The following CRACD variants were observed in gnomAD, a reference collection of about 807,000 sequenced individuals.
CRACD encodes the protein capping protein-inhibiting regulator of actin dynamics.
In CRACD, 56 loss-of-function variants were observed where a neutral mutation model predicts 106.8. The observed-to-expected ratio is 0.52, with a 90% confidence interval of 0.42 to 0.66. The LOEUF is 0.66. Among genes scored for constraint, CRACD ranks in the 30% least tolerant of loss-of-function variants. CRACD has a pLI of 0.00. For missense variants in CRACD, 1,730 were observed against 1,623.2 expected (o/e 1.07, Z -1.13); for synonymous variants, 754 against 670.8 (o/e 1.12, Z -1.92).
At chr4:56,310,289 C>T (rs1345236228) in intron 5 of CRACD, among the ~76,000 whole-genome samples, 4 of 152,084 alleles carry the variant, frequency 2.6e-5, no homozygotes, top group African/African-American at 7.2e-5. Context: ...AGGGGAGAGG[C>T]AGCCAGCAAG....
At chr4:56,224,639 T>C (rs1206727225) in intron 2 of CRACD, among the ~76,000 whole-genome samples, 2 of 152,224 alleles carry the variant, frequency 1.3e-5, no homozygotes, top group Non-Finnish European at 2.9e-5. Flanking sequence ...GAAAAGGGAA[T>C]GCTTACACAT....
intron 4 of CRACD, 94 bp from the exon 5 acceptor site, chr4:56,307,441 G>T: frequency 8.5e-7 from 1 of 1,181,604 alleles, no homozygotes; most frequent in East Asian, 2.4e-5. Flanking sequence ...CACAAGGTAT[G>T]CCTCAGTGCT....
At chr4:56,173,674 T>G (rs1736470364) in intron 1 of CRACD, among the ~76,000 whole-genome samples, 2 of 152,238 alleles carry the variant, frequency 1.3e-5, no homozygotes, top group African/African-American at 4.8e-5. Flanking sequence ...TGCCCACTTG[T>G]TAAAATTTAT....
rs573871157 is a variant in CRACD, at chr4:56,274,298, AGATAGTAAAAT to A, written c.-17+1809_-17+1819del. On this transcript the variant is annotated intron_variant, in intron 3 of 10. Transcript: ENST00000682029. ...GCCTCACGGTATCAGGATGAGGAAC[AGATAGTAAAAT>A]GAGAGTAAGTGGCAGTTTAATACAA... 1.4e-3 allele frequency among the ~76,000 whole-genome samples: 215 copies of A among 152,364 alleles called. 1 individual carries two copies. Among genetic ancestry groups the A allele is most frequent in the African/African-American group, 4.7e-3 (195 of 41,592 alleles).
At chr4:56,050,175 G>A (rs578209533) in intron 1 of CRACD, among the ~76,000 whole-genome samples, 3 of 152,172 alleles carry the variant, frequency 2.0e-5, no homozygotes, top group East Asian at 3.9e-4. Context: ...AGTGGAGGGG[G>A]AGGGGGAAGA....
intron 2 of CRACD, among the ~76,000 whole-genome samples, chr4:56,185,383 C>T (rs1737044009): frequency 6.6e-6 from 1 of 152,210 alleles, no homozygotes; most frequent in African/African-American, 2.4e-5. Flanking sequence ...TCCCCCTCCC[C>T]TCAGCCACTG....
chr4:56,085,228 C>T (rs188138572), intron 1 of CRACD, among the ~76,000 whole-genome samples: 2 of 152,264 alleles, frequency 1.3e-5, no homozygotes, highest in Admixed American at 6.5e-5. Context: ...GTGTGTGCTG[C>T]GCATGACTAA....
At chr4:56,128,306 G>A (rs1004467015) in intron 1 of CRACD, among the ~76,000 whole-genome samples, 4 of 152,168 alleles carry the variant, frequency 2.6e-5, no homozygotes, top group African/African-American at 9.7e-5. Flanking sequence ...AGCATAAAGT[G>A]TCTGCAAAGC....
At chr4:56,176,752 G>T (rs1736601769) in intron 1 of CRACD, among the ~76,000 whole-genome samples, 1 of 152,038 alleles carries the variant, frequency 6.6e-6, no homozygotes, top group South Asian at 2.1e-4. Context: ...TTTCATTGGT[G>T]TTTTATAGTT....
intron 1 of CRACD, among the ~76,000 whole-genome samples, chr4:56,098,533 A>AT (rs1385244307): frequency 1.2e-4 from 18 of 152,208 alleles, no homozygotes; most frequent in Non-Finnish European, 2.2e-4. Context: ...TGTAAGAGTA[A>AT]TTTTAGTTGT....
chr4:56,210,898 T>C (rs1411868982), intron 2 of CRACD, among the ~76,000 whole-genome samples: 1 of 152,148 alleles, frequency 6.6e-6, no homozygotes, highest in Non-Finnish European at 1.5e-5. Flanking sequence ...TGTATAGATC[T>C]GAAAAAGAAG....
At chr4:56,118,716 G>A (rs912169379) in intron 1 of CRACD, among the ~76,000 whole-genome samples, 3 of 151,884 alleles carry the variant, frequency 2.0e-5, no homozygotes, top group Non-Finnish European at 4.4e-5. Flanking sequence ...GGACAACACA[G>A]TAAGACCCTT....
At chr4:56,057,708 T>G (rs1282202898) in intron 1 of CRACD, among the ~76,000 whole-genome samples, 3 of 142,632 alleles carry the variant, frequency 2.1e-5, no homozygotes, top group Non-Finnish European at 4.5e-5. Context: ...CACTGCAACC[T>G]CTGTCCCCAG....
At chr4:56,229,268 C>G (rs1232777169) in intron 2 of CRACD, among the ~76,000 whole-genome samples, 1 of 152,072 alleles carries the variant, frequency 6.6e-6, no homozygotes, top group African/African-American at 2.4e-5. Context: ...GTGGCTCTGC[C>G]CTTATGAATG....
intron 3 of CRACD, among the ~76,000 whole-genome samples, chr4:56,279,795 A>T (rs1046568515): frequency 6.6e-6 from 1 of 152,256 alleles, no homozygotes; most frequent in African/African-American, 2.4e-5. Context: ...ATTACTGGGT[A>T]TATACCCAAA....
chr4:56,050,247 G>A (rs1312538162), intron 1 of CRACD, among the ~76,000 whole-genome samples: 2 of 149,614 alleles, frequency 1.3e-5, no homozygotes, highest in African/African-American at 4.9e-5. Context: ...ATAATGGCTG[G>A]GAAACTGATC....
At chr4:56,261,916 G>GCATTGCTATAAAGCCATATATT (rs1297009166) in intron 2 of CRACD, among the ~76,000 whole-genome samples, 1 of 152,044 alleles carries the variant, frequency 6.6e-6, no homozygotes, top group Non-Finnish European at 1.5e-5. Context: ...AGCCATATAT[G>GCATTGCTATAAAGCCATATATT]CATTGCTAAA....
intron 8 of CRACD, among the ~76,000 whole-genome samples, chr4:56,318,162 T>G: frequency 6.6e-6 from 1 of 152,008 alleles, no homozygotes; most frequent in East Asian, 1.9e-4. Flanking sequence ...ATTTTATTGT[T>G]TATTATTGTT....
chr4:56,307,480 G>A, intron 4 of CRACD, 55 bp from the exon 5 acceptor site: 1 of 1,581,200 alleles, frequency 6.3e-7, no homozygotes, highest in Non-Finnish European at 8.6e-7. Context: ...ACCTGGTTGT[G>A]GTGGTTGTGA....
Sources: allele counts gnomAD v4.1 joint callset (sites outside exome capture counted in the v4.1 genomes callset), GRCh38; gene constraint gnomAD v4.1.1; transcripts MANE v1.5; gene names NCBI Gene and HGNC (gene_info 2026-07-23, HGNC 2026-07-21).